The following RHEB variants were observed in gnomAD, a reference collection of about 807,000 sequenced individuals.
The protein encoded by RHEB is Ras homolog, mTORC1 binding.
Under a neutral mutation model 28.8 loss-of-function variants are expected in RHEB, and 2 were observed. That is an observed-to-expected ratio of 0.07 (90% CI 0.03 to 0.22). The LOEUF is 0.22. RHEB is among the 10% of genes least tolerant of loss of function. RHEB has a pLI of 1.00. For missense variants in RHEB, 76 were observed against 219.9 expected, an observed-to-expected ratio of 0.35 and a Z score of 4.14; for synonymous variants, 69 against 77.3, an observed-to-expected ratio of 0.89 and a Z score of 0.56.
At position 151,472,849 on chromosome 7, in the gene RHEB, C is replaced by A. The variant is rs1222707826; in HGVS notation, c.276-1244G>T. ...ATAAAAACAAAAATGAAATTTAACC[C>A]CCCTACAAGCTCGCTGTGGGTCAAC... On this transcript the variant is annotated intron_variant, in intron 4 of 7. Coordinates refer to ENST00000262187, the MANE Select transcript of RHEB (RefSeq NM_005614.4). The surrounding 1 kb of genome is among the most constrained non-coding windows in gnomAD (Gnocchi z 5.2). Among the ~76,000 whole-genome samples the A allele has an allele frequency of 6.6e-6, 1 of 152,198 alleles. No individual in the cohort carries two copies. The highest frequency in any genetic ancestry group is 2.4e-5 in the African/African-American group (1 of 41,438).
chr7:151,498,071 C>T (rs765051976), intron 1 of RHEB: 2 of 1,264,000 alleles, frequency 1.6e-6, no homozygotes, highest in African/African-American at 1.5e-5. Context: ...CAGCCACTTA[C>T]AGCTCCATTT....
chr7:151,468,003 G>A lies in RHEB; in HGVS notation c.463-792C>T, dbSNP rs575218599. ...CCTTATGCACCAGGACAACAGGCCT[G>A]AGCCACCGTGACTCCCAGACCCTGT... is the stretch of plus-strand genomic sequence containing the variant. On this transcript the variant is annotated intron_variant, in intron 7 of 7. Transcript: ENST00000262187. This position sits in a 1 kb window ranked among gnomAD's most constrained non-coding sequence, Gnocchi z 4.3. Among the ~76,000 whole-genome samples, 17 of 152,128 alleles carry A rather than the reference G, an allele frequency of 1.1e-4. No individual in the cohort carries two copies. The highest frequency in any genetic ancestry group is 4.2e-4 in the South Asian group (2 of 4,814).
chr7:151,479,428 A>C (rs1230275845), intron 3 of RHEB, among the ~76,000 whole-genome samples: 1 of 152,210 alleles, frequency 6.6e-6, no homozygotes, highest in Non-Finnish European at 1.5e-5. Flanking sequence ...CACGTCTGTA[A>C]TCCCAGCACT....
chr7:151,495,074 T>C (rs914812835), intron 1 of RHEB, among the ~76,000 whole-genome samples: 4 of 152,264 alleles, frequency 2.6e-5, no homozygotes, highest in Non-Finnish European at 5.9e-5. Flanking sequence ...TGGTGATCTC[T>C]ACTGTGATCA....
In RHEB at chr7:151,519,647, G is replaced by T; in HGVS notation, c.-136C>A. 1 of 680,788 alleles carries T rather than the reference G, an allele frequency of 1.5e-6. No individual in the cohort carries two copies. The highest frequency in any genetic ancestry group is 2.1e-6 in the Non-Finnish European group (1 of 480,732). 42.2% of individuals were successfully genotyped at this position (680,788 alleles called of 1,614,324 possible). A position where few individuals can be genotyped will look rare whatever the true frequency, so the allele number is the denominator to read the frequency against. ...GCGGCGGCGGGCGCGGCTGCCTCTC[G>T]CTCGCTAGCTCGCGCGCTCCCAACC... On this transcript the variant is annotated 5_prime_UTR_variant, in exon 1 of 8. Coordinates refer to ENST00000262187, the MANE Select transcript of RHEB (RefSeq NM_005614.4).
At chr7:151,512,830 T>A (rs2150939515) in intron 1 of RHEB, among the ~76,000 whole-genome samples, 1 of 152,216 alleles carries the variant, frequency 6.6e-6, no homozygotes. Context: ...TTTTCAGGGG[T>A]CTCATGAGGT....
rs371882142 is a variant in RHEB, at chr7:151,479,662, G to A, written c.193-2247C>T. Among the ~76,000 whole-genome samples the A allele has an allele frequency of 9.9e-3, 1,304 of 132,308 alleles. 21 individuals are homozygous for A. The highest frequency in any genetic ancestry group is 0.035 in the African/African-American group (1,212 of 34,420). 86.8% of individuals were successfully genotyped at this position (132,308 alleles called of 152,430 possible). A position where few individuals can be genotyped will look rare whatever the true frequency, so the allele number is the denominator to read the frequency against. On this transcript the variant is annotated intron_variant, in intron 3 of 7. Transcript: ENST00000262187. ...CGCGCCACAGCACTCCAGCCTGGGC[G>A]ATAGAGCGAGACTCCGTCTCAAAAA...
chr7:151,490,965 G>A lies in RHEB; in HGVS notation c.102C>T (p.Ser34=). Residue 34 remains serine (S), a synonymous_variant, in exon 2 of 8, where the codon TCC becomes TCT. Transcript: ENST00000262187. ...IQFVEGQFVD[S]YDPTIENTFT... is the part of the protein sequence containing the mutation. ...TACTGTTTTCTATGGTTGGATCGTA[G>A]GAGTCCACAAATTGGCCTTCAACAA... is the stretch of plus-strand genomic sequence containing the variant. 6.2e-7 allele frequency: 1 copy of A among 1,612,378 alleles called. No homozygotes were observed. Among genetic ancestry groups the A allele is most frequent in the South Asian group, 1.1e-5 (1 of 91,024 alleles).
In RHEB at chr7:151,471,411, T is replaced by A; in HGVS notation, c.363A>T (p.Lys121Asn). The change falls in exon 6 of 8, where the codon AAA becomes AAT. Residue 121 changes from lysine to asparagine, a missense_variant. Lys to Asn is a moderately conservative substitution (Grantham distance 94). Coordinates refer to ENST00000262187, the MANE Select transcript of RHEB (RefSeq NM_005614.4). ...CTACATACCTTTCCATATGCAGGTC[T>A]TTCTTATTCCCAACCAACATAATAG... is the stretch of plus-strand genomic sequence containing the variant. ...QIPIMLVGNK[K>N]DLHMERVISY... 6.3e-7 allele frequency: 1 copy of A among 1,577,408 alleles called. No individual in the cohort carries two copies. The highest frequency in any genetic ancestry group is 8.7e-7 in the Non-Finnish European group (1 of 1,148,980).
At position 151,498,011 on chromosome 7, in the gene RHEB, G is replaced by A. The variant is rs150819127; in HGVS notation, c.53-6997C>T. ...TCTTGCTGGATGCTGCAGTAGTTGG[G>A]TGCCACACACTTGACCATGAAGATG... is the stretch of plus-strand genomic sequence containing the variant. On this transcript the variant is annotated intron_variant, in intron 1 of 7. Transcript: ENST00000262187. 2.3e-4 allele frequency: 177 copies of A among 768,214 alleles called. 1 individual carries two copies. The African/African-American group carries it at 2.7e-3, about 12-fold the overall frequency. 47.6% of individuals were successfully genotyped at this position (768,214 alleles called of 1,614,324 possible).
chr7:151,507,976 A>T (rs1802918112), intron 1 of RHEB, among the ~76,000 whole-genome samples: 1 of 152,208 alleles, frequency 6.6e-6, no homozygotes, highest in Admixed American at 6.5e-5. Flanking sequence ...GATTTTCAAA[A>T]CAGGATATTC....
In RHEB at chr7:151,467,435, G is replaced by C. The variant is rs952303847; in HGVS notation, c.463-224C>G. On this transcript the variant is annotated intron_variant, in intron 7 of 7. Transcript: ENST00000262187. The stretch of plus-strand genomic sequence containing the variant: ...AGCCTCCGATTGTGCTTTTGACCCT[G>C]TTTCCTTCAGGCACCAGGAGACGCC... Among the ~76,000 whole-genome samples, 2 of 151,898 alleles carry C rather than the reference G, an allele frequency of 1.3e-5. 1 individual carries two copies. The highest frequency in any genetic ancestry group is 2.9e-5 in the Non-Finnish European group (2 of 67,976).
Position 151,471,420 on chromosome 7 carries a change from C to A in RHEB, c.354G>T (p.Gly118=). Residue 118 remains glycine (G), a synonymous_variant, in exon 6 of 8, where the codon GGG becomes GGT. Coordinates refer to ENST00000262187, the MANE Select transcript of RHEB (RefSeq NM_005614.4). ...GKVQIPIMLV[G]NKKDLHMERV... is the part of the protein sequence containing the mutation. ...TTTCCATATGCAGGTCTTTCTTATT[C>A]CCAACCAACATAATAGGTATTCTAT... 1 of 1,583,030 alleles carries A rather than the reference C, an allele frequency of 6.3e-7. No homozygotes were observed.
intron 3 of RHEB, among the ~76,000 whole-genome samples, chr7:151,479,656 C>T (rs1802345991): frequency 1.4e-5 from 2 of 140,802 alleles, no homozygotes; most frequent in South Asian, 4.4e-4. Flanking sequence ...GCACTCCAGC[C>T]TGGGCGATAG....
At chr7:151,494,450 C>T (rs762023628) in intron 1 of RHEB, among the ~76,000 whole-genome samples, 3 of 152,202 alleles carry the variant, frequency 2.0e-5, no homozygotes, top group Non-Finnish European at 2.9e-5. Flanking sequence ...AGTGCAAAAA[C>T]GGAGTGAGAG....
At chr7:151,484,877 C>G in intron 2 of RHEB, 73 bp from the exon 3 acceptor site, 1 of 994,078 alleles carries the variant, frequency 1.0e-6, no homozygotes, top group Non-Finnish European at 1.6e-6. Flanking sequence ...TGAACAATGA[C>G]AACCAATCAA....
Position 151,468,059 on chromosome 7 carries a change from A to G in RHEB, c.463-848T>C, listed in dbSNP as rs956191572. The stretch of plus-strand genomic sequence containing the variant: ...AAATGCAGTCCTGTGGTCATGAAAA[A>G]CTGCCCCTGTTCTCAGAAGCCCCAC... On this transcript the variant is annotated intron_variant, in intron 7 of 7. Coordinates refer to ENST00000262187, the MANE Select transcript of RHEB (RefSeq NM_005614.4). The surrounding 1 kb of genome is among the most constrained non-coding windows in gnomAD (Gnocchi z 4.3). Among the ~76,000 whole-genome samples the G allele has an allele frequency of 3.3e-5, 5 of 151,626 alleles. No homozygotes were observed. Among genetic ancestry groups the G allele is most frequent in the African/African-American group, 1.2e-4 (5 of 41,228 alleles).
chr7:151,497,077 C>G (rs902087653), intron 1 of RHEB, among the ~76,000 whole-genome samples: 1 of 151,810 alleles, frequency 6.6e-6, no homozygotes, highest in South Asian at 2.1e-4. Flanking sequence ...TATGAGCCGC[C>G]GCACCCAGCC....
Position 151,519,649 on chromosome 7 carries a change from T to C in RHEB, c.-138A>G. On this transcript the variant is annotated 5_prime_UTR_variant, in exon 1 of 8. Coordinates refer to ENST00000262187, the MANE Select transcript of RHEB (RefSeq NM_005614.4). The stretch of plus-strand genomic sequence containing the variant: ...GGCGGCGGGCGCGGCTGCCTCTCGC[T>C]CGCTAGCTCGCGCGCTCCCAACCGC... 1.5e-6 allele frequency: 1 copy of C among 681,970 alleles called. No individual in the cohort carries two copies. The highest frequency in any genetic ancestry group is 2.1e-6 in the Non-Finnish European group (1 of 481,732). 42.2% of individuals were successfully genotyped at this position (681,970 alleles called of 1,614,324 possible).
Sources: gnomAD v4.1 joint callset for allele counts (sites outside exome capture counted in the v4.1 genomes callset) on GRCh38, gnomAD v4.1.1 for gene constraint, Gnocchi (gnomAD v3.1) non-coding constraint, MANE v1.5 for transcripts, NCBI Gene and HGNC (gene_info 2026-07-23, HGNC 2026-07-21) for gene names.